KMT2A: variants seen among roughly 807,000 people sequenced by gnomAD.
The protein encoded by KMT2A is lysine methyltransferase 2A, also known as histone-lysine N-methyltransferase 2A.
A neutral mutation model predicts 345.3 loss-of-function variants in KMT2A; 16 were observed. The ratio of observed to expected loss-of-function variants is 0.05; its 90% CI spans 0.03 to 0.07. KMT2A has a LOEUF of 0.07. Ranked by LOEUF, KMT2A falls within the 10% of genes least tolerant of loss-of-function variation. KMT2A has a pLI of 1.00. For missense variants in KMT2A, 3,272 were observed against 4,841.6 expected (o/e 0.68, Z 9.62); for synonymous variants, 1,599 against 1,778.6 (o/e 0.90, Z 2.54).
intron 1 of KMT2A, among the ~76,000 whole-genome samples, chr11:118,438,287 G>A (rs372396978): frequency 1.3e-5 from 2 of 152,162 alleles, no homozygotes; most frequent in African/African-American, 4.8e-5. Flanking sequence ...ATTAGTACTG[G>A]GGCAAGAACG....
intron 10 of KMT2A, among the ~76,000 whole-genome samples, chr11:118,486,671 A>C (rs1255659209): frequency 6.6e-6 from 1 of 152,038 alleles, no homozygotes; most frequent in Non-Finnish European, 1.5e-5. Flanking sequence ...TCAGGAGTTC[A>C]AGACCAGCCT....
chr11:118,467,224 A>C (rs1218264997), intron 1 of KMT2A, among the ~76,000 whole-genome samples: 1 of 152,010 alleles, frequency 6.6e-6, no homozygotes, highest in Non-Finnish European at 1.5e-5. Flanking sequence ...TAAAAATACA[A>C]AAATGAGCTG....
chr11:118,507,060 G>A (rs1277653620), intron 27 of KMT2A, among the ~76,000 whole-genome samples: 1 of 152,180 alleles, frequency 6.6e-6, no homozygotes, highest in Non-Finnish European at 1.5e-5. Context: ...ACTTTGGAAG[G>A]CTGAGGCAGA....
intron 31 of KMT2A, chr11:118,512,396 G>C (rs1444482947): frequency 1.4e-5 from 3 of 218,456 alleles, no homozygotes; most frequent in Non-Finnish European, 2.7e-5. Context: ...GTAGCCTTTT[G>C]TGACCGTCTT....
In KMT2A at chr11:118,488,665, G is replaced by C. The variant is rs1555041602; in HGVS notation, c.4384G>C (p.Glu1462Gln). The C allele has an allele frequency of 6.2e-7, 1 of 1,614,024 alleles. No individual in the cohort carries two copies. The highest frequency in any genetic ancestry group is 1.1e-5 in the South Asian group (1 of 91,090). Residue 1462 changes from glutamate to glutamine, a missense_variant, in exon 11 of 36, where the codon GAG becomes CAG. Coordinates refer to ENST00000534358, the MANE Select transcript of KMT2A (RefSeq NM_001197104.2). ...CEPFHKFCLE[E>Q]NERPLEDQLE... ...GCCCTTCCACAAGTTTTGTTTAGAG[G>C]AGAACGAGCGCCCTCTGGAGGACCA... is the stretch of plus-strand genomic sequence containing the variant.
rs1348842197 is a variant in KMT2A at position 118,505,007 on chromosome 11, T to C, written c.9115T>C (p.Ser3039Pro). The C allele has an allele frequency of 6.2e-7, 1 of 1,613,978 alleles. No homozygotes were observed. Among genetic ancestry groups the C allele is most frequent in the African/African-American group, 1.3e-5 (1 of 74,896 alleles). Residue 3039 changes from serine to proline, a missense_variant, in exon 27 of 36, where the codon TCC becomes CCC. This residue lies in a region of KMT2A where 748 missense variants were observed against 922.2 expected (regional missense o/e 0.81). Coordinates refer to ENST00000534358, the MANE Select transcript of KMT2A (RefSeq NM_001197104.2). This position sits in a 1 kb window ranked among gnomAD's most constrained non-coding sequence, Gnocchi z 4.6. ...SSTPGLQVPV[S>P]PTVPIQNQKY... ...CACCCCTGGCCTTCAGGTACCTGTTTCCCCAACTGTTCCCATCCAGAACCA... is the reference window on the plus strand; with the variant it reads ...CACCCCTGGCCTTCAGGTACCTGTTCCCCCAACTGTTCCCATCCAGAACCA...
Position 118,520,043 on chromosome 11 carries a change from A to T in KMT2A, c.11408A>T (p.Glu3803Val). Reference protein sequence around the residue: ...EYNPNDEEEEEVQLKSARRAT... With the variant: ...EYNPNDEEEEVVQLKSARRAT... ...AACCCCAATGATGAAGAAGAGGAGG[A>T]GGTACAGCTGAAGTCAGCTCGGTAA... is the stretch of plus-strand genomic sequence containing the variant. Residue 3803 changes from glutamate (E) to valine (V), a missense_variant, in exon 33 of 36, where the codon GAG becomes GTG. Coordinates refer to ENST00000534358, the MANE Select transcript of KMT2A (RefSeq NM_001197104.2). The surrounding 1 kb of genome is among the most constrained non-coding windows in gnomAD (Gnocchi z 4.3). 6.2e-7 allele frequency: 1 copy of T among 1,613,752 alleles called. No homozygotes were observed.
At chr11:118,447,967 G>A (rs1949455874) in intron 1 of KMT2A, 1 of 175,480 alleles carries the variant, frequency 5.7e-6, no homozygotes, top group Non-Finnish European at 1.2e-5. Context: ...TATTTTAAAA[G>A]TACAGTCCTG....
chr11:118,508,211 CGTG>C (rs1383796354), intron 28 of KMT2A, among the ~76,000 whole-genome samples: 3 of 152,020 alleles, frequency 2.0e-5, no homozygotes, highest in Non-Finnish European at 4.4e-5. Context: ...AAAGATATAA[CGTG>C]GTATATATAT....
chr11:118,445,216 G>C (rs1226706857), intron 1 of KMT2A, among the ~76,000 whole-genome samples: 4 of 152,196 alleles, frequency 2.6e-5, no homozygotes, highest in African/African-American at 7.2e-5. Flanking sequence ...CAAATTGAAG[G>C]CCAGCCACCC....
chr11:118,475,336 A>G (rs1315782615), intron 3 of KMT2A, among the ~76,000 whole-genome samples: 1 of 151,852 alleles, frequency 6.6e-6, no homozygotes, highest in Non-Finnish European at 1.5e-5. Flanking sequence ...AAAGTTGCTG[A>G]TCTTTAGGGT....
rs1555049719 is a variant in KMT2A, at chr11:118,510,164, C to G, written c.11071+46C>G. The G allele has an allele frequency of 6.8e-7, 1 of 1,474,170 alleles. No homozygotes were observed. Among genetic ancestry groups the G allele is most frequent in the South Asian group, 1.3e-5 (1 of 77,654 alleles). 91.3% of individuals were successfully genotyped at this position (1,474,170 alleles called of 1,614,324 possible). ...TGACCCATCAGCAGAAGCCCTGTTT[C>G]AGCTAGAGCTTCATTTTCTGAGTAT... On this transcript the variant is annotated intron_variant, in intron 30 of 35. Transcript: ENST00000534358. This position sits in a 1 kb window ranked among gnomAD's most constrained non-coding sequence, Gnocchi z 4.1.
At chr11:118,459,779 C>T (rs762536601) in intron 1 of KMT2A, among the ~76,000 whole-genome samples, 27 of 151,270 alleles carry the variant, frequency 1.8e-4, no homozygotes, top group Non-Finnish European at 2.5e-4. Context: ...CCCCCCGCCC[C>T]GGGTTCAAGC....
intron 27 of KMT2A, among the ~76,000 whole-genome samples, chr11:118,507,114 T>G (rs576203263): frequency 6.6e-6 from 1 of 152,130 alleles, no homozygotes; most frequent in African/African-American, 2.4e-5. Context: ...CTGTGCAACA[T>G]AGTAAGACCC....
chr11:118,501,699 C>T lies in KMT2A; in HGVS notation c.6347C>T (p.Thr2116Ile). ...AGTTCATCAAAAGAGAGTCAAAACA[C>T]AGCTGAAATTATAAGTCCTCCATCA... is the stretch of plus-strand genomic sequence containing the variant. ...TESSSKESQN[T>I]AEIISPPSPD... Residue 2116 changes from threonine (T) to isoleucine (I), a missense_variant, in exon 26 of 36, where the codon ACA becomes ATA. This residue lies in a region of KMT2A where 66 missense variants were observed against 73.9 expected (regional missense o/e 0.89). Coordinates refer to ENST00000534358, the MANE Select transcript of KMT2A (RefSeq NM_001197104.2). 3.1e-6 allele frequency: 5 copies of T among 1,613,574 alleles called. No homozygotes were observed. The highest frequency in any genetic ancestry group is 1.1e-5 in the South Asian group (1 of 90,954).
At position 118,503,399 on chromosome 11, in the gene KMT2A, G is replaced by A. The variant is rs956195571; in HGVS notation, c.7507G>A (p.Ala2503Thr). Residue 2503 changes from alanine to threonine, a missense_variant, in exon 27 of 36, where the codon GCT becomes ACT. By Grantham distance (58) the Ala-to-Thr change is moderately conservative. Transcript: ENST00000534358. The surrounding 1 kb of genome is among the most constrained non-coding windows in gnomAD (Gnocchi z 5.3). ...KGLSMPGVPK[A>T]PPMQVEGSAK... ...CCTTTCTATGCCAGGAGTCCCCAAA[G>A]CTCCACCCATGCAAGTAGAAGGATC... The A allele has an allele frequency of 2.5e-6, 4 of 1,613,946 alleles. No individual in the cohort carries two copies. The African/African-American group carries it at 5.3e-5, about 22-fold the overall frequency.
chr11:118,471,197 G>C (rs1949936539), intron 2 of KMT2A, among the ~76,000 whole-genome samples: 1 of 152,208 alleles, frequency 6.6e-6, no homozygotes, highest in South Asian at 2.1e-4. Flanking sequence ...GATGATTGAA[G>C]AGCAGCGTAT....
chr11:118,438,784 C>T (rs1325069815), intron 1 of KMT2A, among the ~76,000 whole-genome samples: 1 of 151,990 alleles, frequency 6.6e-6, no homozygotes, highest in South Asian at 2.1e-4. Flanking sequence ...TCTAAGGCAG[C>T]CTGATCAGGA....
chr11:118,496,667 T>C lies in KMT2A; in HGVS notation c.5664+300T>C, dbSNP rs949308935. On this transcript the variant is annotated intron_variant, in intron 20 of 35. Coordinates refer to ENST00000534358, the MANE Select transcript of KMT2A (RefSeq NM_001197104.2). The surrounding 1 kb of genome is among the most constrained non-coding windows in gnomAD (Gnocchi z 4.7). Reference sequence around the variant, plus strand: ...TTCTAATGGAAGTTCCTCAAGAATATTTTGTGAAAGTTAATAAAATCTAAG... The same window carrying C: ...TTCTAATGGAAGTTCCTCAAGAATACTTTGTGAAAGTTAATAAAATCTAAG... 1.3e-5 allele frequency among the ~76,000 whole-genome samples: 2 copies of C among 152,218 alleles called. No individual in the cohort carries two copies. Among genetic ancestry groups the C allele is most frequent in the Non-Finnish European group, 2.9e-5 (2 of 68,044 alleles).
Sources: gnomAD v4.1 joint callset for allele counts (sites outside exome capture counted in the v4.1 genomes callset) on GRCh38, gnomAD v4.1.1 for gene constraint, gnomAD v4.1.1 regional missense constraint, Gnocchi (gnomAD v3.1) non-coding constraint, MANE v1.5 for transcripts, NCBI Gene and HGNC (gene_info 2026-07-23, HGNC 2026-07-21) for gene names.